The following MORC2 variants were observed in gnomAD, a reference collection of about 807,000 sequenced individuals.
MORC2 encodes the protein MORC family CW-type zinc finger 2.
In MORC2, 30 loss-of-function variants were observed where a neutral mutation model predicts 136.0. The observed-to-expected ratio is 0.22, with a 90% CI of 0.17 to 0.30. The LOEUF (loss-of-function observed/expected upper bound fraction) is 0.30. Among genes scored for constraint, MORC2 ranks in the 10% least tolerant of loss-of-function variants. MORC2 has a pLI of 1.00. For missense variants in MORC2, 922 were observed against 1,333.1 expected (o/e 0.69, Z 4.80); for synonymous variants, 439 against 487.0 (o/e 0.90, Z 1.30).
intron 3 of MORC2, among the ~76,000 whole-genome samples, 159 bp from the exon 4 acceptor site, chr22:30,950,604 G>A (rs1443903387): frequency 6.6e-6 from 1 of 152,146 alleles, no homozygotes; most frequent in Non-Finnish European, 1.5e-5. Context: ...GGTCCTTGAG[G>A]TTGCAAATTC....
At position 30,937,491 on chromosome 22, in the gene MORC2, G is replaced by C; in HGVS notation, c.1498+92C>G. ...CCTAGGGGACTGTAAGTCCATGAATGTCAGTCAAGTTAGGAGGCTGGCAGG... is the reference window on the plus strand; with the variant it reads ...CCTAGGGGACTGTAAGTCCATGAATCTCAGTCAAGTTAGGAGGCTGGCAGG... On this transcript the variant is annotated intron_variant, in intron 15 of 25. Coordinates refer to ENST00000397641, the MANE Select transcript of MORC2 (RefSeq NM_001303256.3). This position sits in a 1 kb window ranked among gnomAD's most constrained non-coding sequence, Gnocchi z 4.7. The C allele has an allele frequency of 6.5e-7, 1 of 1,536,292 alleles. No homozygotes were observed. The highest frequency in any genetic ancestry group is 8.8e-7 in the Non-Finnish European group (1 of 1,139,338).
At position 30,934,207 on chromosome 22, in the gene MORC2, C is replaced by A. The variant is rs1569189880; in HGVS notation, c.2194-16G>T. 1 of 1,614,004 alleles carries A rather than the reference C, an allele frequency of 6.2e-7. No individual in the cohort carries two copies. The highest frequency in any genetic ancestry group is 8.5e-7 in the Non-Finnish European group (1 of 1,179,936). ...TAGGGGTAGCCTAGAGCAAGAGGAG[C>A]GTGAGGATGTGAGGGGCCCTGTTCA... is the stretch of plus-strand genomic sequence containing the variant. On this transcript the variant is annotated splice_polypyrimidine_tract_variant and intron_variant, in intron 19 of 25. Coordinates refer to ENST00000397641, the MANE Select transcript of MORC2 (RefSeq NM_001303256.3). This position sits in a 1 kb window ranked among gnomAD's most constrained non-coding sequence, Gnocchi z 4.4.
rs1401757238 is a variant in MORC2 at position 30,941,236 on chromosome 22, G to A, written c.824+197C>T. Among the ~76,000 whole-genome samples, 3 of 152,176 alleles carry A rather than the reference G, an allele frequency of 2.0e-5. No individual in the cohort carries two copies. The highest frequency in any genetic ancestry group is 7.2e-5 in the African/African-American group (3 of 41,456). ...CACACATACTCAATGAGCTTAGCCA[G>A]CCACCTCCACAGCTGATCTGTCCCT... On this transcript the variant is annotated intron_variant, in intron 9 of 25. Coordinates refer to ENST00000397641, the MANE Select transcript of MORC2 (RefSeq NM_001303256.3). This position sits in a 1 kb window ranked among gnomAD's most constrained non-coding sequence, Gnocchi z 4.6.
At chr22:30,939,314 T>G (rs946797130) in intron 12 of MORC2, among the ~76,000 whole-genome samples, 1 of 152,196 alleles carries the variant, frequency 6.6e-6, no homozygotes, top group Admixed American at 6.5e-5. Context: ...TTTTATATTT[T>G]TCAAGTTTCA....
In MORC2 at chr22:30,934,678, C is replaced by A; in HGVS notation, c.2193+103G>T. ...AGGGGCAGCAGCAAAGCTTTAGATT[C>A]AGTATCTTCCGAAGGCTCCCCCAGT... On this transcript the variant is annotated intron_variant, in intron 19 of 25. Coordinates refer to ENST00000397641, the MANE Select transcript of MORC2 (RefSeq NM_001303256.3). The surrounding 1 kb of genome is among the most constrained non-coding windows in gnomAD (Gnocchi z 4.4). 6.8e-7 allele frequency: 1 copy of A among 1,461,970 alleles called. No homozygotes were observed. The allele number at this position is 1,461,970 out of a possible 1,614,324, so 90.6% of individuals were successfully genotyped here.
chr22:30,968,191 T>C lies in MORC2; in HGVS notation c.-302A>G. ...AGTTGCGATAGCTCAATTCAGACAA[T>C]CTGAGTCTCGTGTGGATGGTCCTGA... is the stretch of plus-strand genomic sequence containing the variant. On this transcript the variant is annotated 5_prime_UTR_variant, in exon 1 of 26. Coordinates refer to ENST00000397641, the MANE Select transcript of MORC2 (RefSeq NM_001303256.3). The C allele has an allele frequency of 3.2e-6, 1 of 309,410 alleles. No individual in the cohort carries two copies. The allele number at this position is 309,410 out of a possible 1,614,324, so 19.2% of individuals were successfully genotyped here. A position where few individuals can be genotyped will look rare whatever the true frequency, so the allele number is the denominator to read the frequency against.
At position 30,939,611 on chromosome 22, in the gene MORC2, T is replaced by C. The variant is rs1206187551; in HGVS notation, c.1073+10A>G. The stretch of plus-strand genomic sequence containing the variant: ...AGTTTAAAAGATCCAAGGACAGGCC[T>C]GGCACTCACCGCTGCTTGGCCTCCT... On this transcript the variant is annotated intron_variant, in intron 12 of 25. Transcript: ENST00000397641. The C allele has an allele frequency of 1.2e-6, 2 of 1,613,758 alleles. No individual in the cohort carries two copies. The highest frequency in any genetic ancestry group is 2.2e-5 in the South Asian group (2 of 91,068).
At chr22:30,951,286 A>G (rs182599089) in intron 3 of MORC2, among the ~76,000 whole-genome samples, 18 of 152,342 alleles carry the variant, frequency 1.2e-4, no homozygotes, top group Non-Finnish European at 2.9e-5. Flanking sequence ...TGCAGCAGAA[A>G]GTGGTTAACT....
intron 6 of MORC2, among the ~76,000 whole-genome samples, chr22:30,942,683 T>C (rs2040758234): frequency 6.6e-6 from 1 of 152,174 alleles, no homozygotes; most frequent in African/African-American, 2.4e-5. Flanking sequence ...GGAGAAACTT[T>C]TGTACATATG....
chr22:30,939,811 A>G, intron 11 of MORC2, 105 bp from the exon 12 acceptor site: 1 of 1,362,044 alleles, frequency 7.3e-7, no homozygotes, highest in South Asian at 1.3e-5. Context: ...AAGATGTAAA[A>G]CCACACCTGG....
chr22:30,965,502 T>C (rs1478809199), intron 1 of MORC2, among the ~76,000 whole-genome samples: 1 of 152,106 alleles, frequency 6.6e-6, no homozygotes, highest in Non-Finnish European at 1.5e-5. Context: ...TGGTTTAGGG[T>C]TTATACTGTC....
At chr22:30,927,539 T>C (rs1201884963) in intron 25 of MORC2, among the ~76,000 whole-genome samples, 3 of 152,224 alleles carry the variant, frequency 2.0e-5, no homozygotes, top group Non-Finnish European at 4.4e-5. Flanking sequence ...CTGTATCTCC[T>C]TATGAACCAC....
intron 5 of MORC2, among the ~76,000 whole-genome samples, chr22:30,948,374 CAT>C (rs1326252855): frequency 6.6e-6 from 1 of 152,226 alleles, no homozygotes; most frequent in Non-Finnish European, 1.5e-5. Context: ...GCATTAGAAT[CAT>C]ATGATTACAG....
At chr22:30,956,049 T>C (rs1008547699) in intron 3 of MORC2, among the ~76,000 whole-genome samples, 8 of 151,598 alleles carry the variant, frequency 5.3e-5, no homozygotes, top group Non-Finnish European at 1.2e-4. Flanking sequence ...CATTCTGCTT[T>C]CAAATTTTTA....
rs2040740278 is a variant in MORC2, at chr22:30,941,448, C to G, written c.809G>C (p.Cys270Ser). 2 of 1,613,806 alleles carry G rather than the reference C, an allele frequency of 1.2e-6. No individual in the cohort carries two copies. The highest frequency in any genetic ancestry group is 2.2e-5 in the South Asian group (2 of 91,060). Residue 270 changes from cysteine to serine, a missense_variant, in exon 9 of 26, where the codon TGC becomes TCC. Around this residue, in one of 9 missense-constraint regions of MORC2, gnomAD observed 261 missense variants for 354.3 expected, o/e 0.74. Coordinates refer to ENST00000397641, the MANE Select transcript of MORC2 (RefSeq NM_001303256.3). The surrounding 1 kb of genome is among the most constrained non-coding windows in gnomAD (Gnocchi z 4.6). ...TGGCCCCTACCTGGGCTTGTACAGG[C>G]AGCAGGAGAGCCTCTTGGTCTGCAC... Reference protein sequence around the residue: ...HKVQTKRLSCCLYKPRMYKYT... With the variant: ...HKVQTKRLSCSLYKPRMYKYT...
At chr22:30,958,214 T>C (rs1257148693) in intron 2 of MORC2, among the ~76,000 whole-genome samples, 6 of 152,216 alleles carry the variant, frequency 3.9e-5, no homozygotes, top group Admixed American at 6.5e-5. Context: ...CTGACAAATA[T>C]ACAATTTGAG....
rs2040623686 is a variant in MORC2, at chr22:30,934,512, A to G, written c.2193+269T>C. Among the ~76,000 whole-genome samples the G allele has an allele frequency of 6.6e-6, 1 of 152,132 alleles. No individual in the cohort carries two copies. Among genetic ancestry groups the G allele is most frequent in the African/African-American group, 2.4e-5 (1 of 41,418 alleles). ...GTCACCAGATGACTGACCTAAGCCC[A>G]CACTTCGAGAGCCAGTGGAGGTGAC... On this transcript the variant is annotated intron_variant, in intron 19 of 25. Coordinates refer to ENST00000397641, the MANE Select transcript of MORC2 (RefSeq NM_001303256.3). This position sits in a 1 kb window ranked among gnomAD's most constrained non-coding sequence, Gnocchi z 4.4.
In MORC2 at chr22:30,935,146, G is replaced by T; in HGVS notation, c.1828C>A (p.Pro610Thr). 1 of 1,612,982 alleles carries T rather than the reference G, an allele frequency of 6.2e-7. No individual in the cohort carries two copies. ...RPSTEEPVRR[P>T]QRPRSPPLPA... The stretch of plus-strand genomic sequence containing the variant: ...AAAGGGGGCGACCGAGGACGCTGAG[G>T]TCTACGCACAGGTTCCTAAAAAAAG... Residue 610 changes from proline (P) to threonine (T), a missense_variant, in exon 19 of 26, where the codon CCT (proline) becomes ACT (threonine). Pro to Thr is a conservative substitution (Grantham distance 38). This residue lies in a region of MORC2 where 184 missense variants were observed against 180.3 expected (regional missense o/e 1.02). Coordinates refer to ENST00000397641, the MANE Select transcript of MORC2 (RefSeq NM_001303256.3).
At chr22:30,943,671 C>G (rs565711982) in intron 6 of MORC2, among the ~76,000 whole-genome samples, 3 of 152,320 alleles carry the variant, frequency 2.0e-5, no homozygotes, top group Admixed American at 1.3e-4. Context: ...AAAAGGGACT[C>G]TGTAATCTTA....
Sources: allele counts gnomAD v4.1 joint callset (sites outside exome capture counted in the v4.1 genomes callset), GRCh38; gene constraint gnomAD v4.1.1; regional missense constraint gnomAD v4.1.1; non-coding constraint Gnocchi (gnomAD v3.1); transcripts MANE v1.5; gene names NCBI Gene and HGNC (gene_info 2026-07-23, HGNC 2026-07-21).